The following LDLRAD3 variants were observed in gnomAD, a reference collection of about 807,000 sequenced individuals.
The protein encoded by LDLRAD3 is low density lipoprotein receptor class A domain containing 3.
A neutral mutation model predicts 29.4 loss-of-function variants in LDLRAD3; 20 were observed. The ratio of observed to expected loss-of-function variants is 0.68; its 90% CI spans 0.48 to 0.99. The LOEUF is 0.99. Ranked by LOEUF, LDLRAD3 falls within the 50% of genes least tolerant of loss-of-function variation. LDLRAD3 has a pLI of 0.00. For synonymous variants in LDLRAD3, 157 were observed against 192.7 expected, an observed-to-expected ratio of 0.81 and a Z score of 1.53; for missense variants, 420 against 454.3, an observed-to-expected ratio of 0.92 and a Z score of 0.69.
At chr11:36,166,269 A>G (rs1259857104) in intron 4 of LDLRAD3, among the ~76,000 whole-genome samples, 1 of 152,242 alleles carries the variant, frequency 6.6e-6, no homozygotes, top group Non-Finnish European at 1.5e-5. Flanking sequence ...CTCCATGTCA[A>G]CATGAGTTAC....
chr11:36,225,413 T>C (rs1327401295), intron 4 of LDLRAD3, among the ~76,000 whole-genome samples: 2 of 152,200 alleles, frequency 1.3e-5, no homozygotes, highest in African/African-American at 2.4e-5. Context: ...TGTGTCCTGC[T>C]GACTGGGAAG....
chr11:35,998,881 C>G (rs557176543), intron 1 of LDLRAD3, among the ~76,000 whole-genome samples: 2 of 152,306 alleles, frequency 1.3e-5, no homozygotes, highest in East Asian at 3.9e-4. Context: ...CTGGTCACCT[C>G]CACTTTGAAA....
intron 1 of LDLRAD3, chr11:35,967,115 G>T: frequency 5.2e-6 from 1 of 193,480 alleles, no homozygotes; most frequent in East Asian, 1.3e-4. Flanking sequence ...AAAGACCCGA[G>T]GGTCACCATG....
At position 36,061,094 on chromosome 11, in the gene LDLRAD3, T is replaced by C. The variant is rs908982504; in HGVS notation, c.194-20559T>C. On this transcript the variant is annotated intron_variant, in intron 2 of 5. Coordinates refer to ENST00000315571, the MANE Select transcript of LDLRAD3 (RefSeq NM_174902.4). The stretch of plus-strand genomic sequence containing the variant: ...CCCAGAACACACAATAAACATTTAG[T>C]AAGAGTGTCTTCTTCCTCTTCCTCA... Among the ~76,000 whole-genome samples, 4 of 152,288 alleles carry C rather than the reference T, an allele frequency of 2.6e-5. No homozygotes were observed. In the South Asian group the frequency reaches 8.3e-4, roughly 32 times the overall value.
intron 4 of LDLRAD3, among the ~76,000 whole-genome samples, chr11:36,103,471 C>T (rs1853481138): frequency 6.6e-6 from 1 of 152,120 alleles, no homozygotes. Context: ...CATCTCCTGA[C>T]CTCATGATCC....
chr11:35,945,667 G>C (rs1038463142), intron 1 of LDLRAD3, among the ~76,000 whole-genome samples: 1 of 152,224 alleles, frequency 6.6e-6, no homozygotes, highest in Non-Finnish European at 1.5e-5. Flanking sequence ...TGTAGCTGTG[G>C]TGTGTCCCCT....
chr11:36,054,629 C>T (rs1006008633), intron 2 of LDLRAD3, among the ~76,000 whole-genome samples: 1 of 152,210 alleles, frequency 6.6e-6, no homozygotes, highest in East Asian at 1.9e-4. Flanking sequence ...AATTGTAAAA[C>T]ATCAACAGAA....
chr11:36,055,996 T>A (rs1378245994), intron 2 of LDLRAD3, among the ~76,000 whole-genome samples: 10 of 145,592 alleles, frequency 6.9e-5, no homozygotes. Context: ...TGCCCTTTTT[T>A]TTTTTTTTTT....
intron 4 of LDLRAD3, among the ~76,000 whole-genome samples, chr11:36,209,941 G>C (rs1855261863): frequency 5.3e-5 from 8 of 152,234 alleles, no homozygotes; most frequent in Admixed American, 5.2e-4. Flanking sequence ...TGGGTGCCAA[G>C]GGTTGCCTCT....
intron 2 of LDLRAD3, among the ~76,000 whole-genome samples, chr11:36,060,576 G>T (rs906659885): frequency 1.3e-5 from 2 of 152,108 alleles, no homozygotes; most frequent in African/African-American, 4.8e-5. Flanking sequence ...TTGGGATTCA[G>T]TCTGATCTGG....
At chr11:36,144,858 G>C (rs1436550817) in intron 4 of LDLRAD3, among the ~76,000 whole-genome samples, 12 of 111,556 alleles carry the variant, frequency 1.1e-4, no homozygotes, top group Admixed American at 1.0e-3. Context: ...GAGGTGGGGG[G>C]GTCAGCCCCC....
intron 3 of LDLRAD3, among the ~76,000 whole-genome samples, chr11:36,090,393 G>A (rs1268318939): frequency 3.3e-5 from 5 of 152,116 alleles, no homozygotes; most frequent in Non-Finnish European, 7.3e-5. Context: ...TTTCAGACAT[G>A]CAGAGTTTGA....
chr11:36,099,633 T>C (rs947730469), intron 4 of LDLRAD3, among the ~76,000 whole-genome samples: 1 of 152,222 alleles, frequency 6.6e-6, no homozygotes, highest in Non-Finnish European at 1.5e-5. Flanking sequence ...GGATAGATGA[T>C]GGATAAGTTC....
At chr11:36,049,232 C>T (rs1365347262) in intron 2 of LDLRAD3, among the ~76,000 whole-genome samples, 1 of 152,172 alleles carries the variant, frequency 6.6e-6, no homozygotes, top group Non-Finnish European at 1.5e-5. Context: ...TTTCTCCTGG[C>T]ACATCCAGAC....
At chr11:36,135,756 A>G (rs1853994861) in intron 4 of LDLRAD3, among the ~76,000 whole-genome samples, 1 of 152,130 alleles carries the variant, frequency 6.6e-6, no homozygotes, top group African/African-American at 2.4e-5. Flanking sequence ...CTAAAAATCC[A>G]AAAATTAGTT....
chr11:36,207,254 G>A (rs1408932543), intron 4 of LDLRAD3, among the ~76,000 whole-genome samples: 2 of 152,136 alleles, frequency 1.3e-5, no homozygotes, highest in African/African-American at 2.4e-5. Flanking sequence ...TCACATCATG[G>A]TTCTTAGAGC....
chr11:36,036,652 T>C (rs1852309088), intron 2 of LDLRAD3, among the ~76,000 whole-genome samples: 1 of 152,198 alleles, frequency 6.6e-6, no homozygotes, highest in Non-Finnish European at 1.5e-5. Flanking sequence ...TCCATGCTGG[T>C]GACCATCTTA....
intron 4 of LDLRAD3, among the ~76,000 whole-genome samples, chr11:36,145,784 T>C (rs1854182409): frequency 6.6e-6 from 1 of 150,794 alleles, no homozygotes; most frequent in Non-Finnish European, 1.5e-5. Flanking sequence ...AGATGTGCTT[T>C]GTTAAACAGA....
In LDLRAD3 at chr11:35,948,600, G is replaced by A. The variant is rs77952310; in HGVS notation, c.46+4456G>A. ...AGCAGCCAGGTACTTTTGATATGCC[G>A]TATTTGCTCGTCACATCATTGGCTT... On this transcript the variant is annotated intron_variant, in intron 1 of 5. Coordinates refer to ENST00000315571, the MANE Select transcript of LDLRAD3 (RefSeq NM_174902.4). Among the ~76,000 whole-genome samples, 592 of 152,300 alleles carry A rather than the reference G, an allele frequency of 3.9e-3. 14 individuals carry two copies. In the East Asian group the frequency reaches 0.062, roughly 16 times the overall value.
Sources: gnomAD v4.1 joint callset for allele counts (sites outside exome capture counted in the v4.1 genomes callset) on GRCh38, gnomAD v4.1.1 for gene constraint, MANE v1.5 for transcripts, NCBI Gene and HGNC (gene_info 2026-07-23, HGNC 2026-07-21) for gene names.